The following NYNRIN variants were observed in gnomAD, a reference collection of about 807,000 sequenced individuals.
NYNRIN encodes the protein protein NYNRIN.
A neutral mutation model predicts 146.6 loss-of-function variants in NYNRIN; 86 were observed. The observed-to-expected ratio is 0.59, with a 90% CI of 0.49 to 0.70. The LOEUF (loss-of-function observed/expected upper bound fraction) is 0.70. NYNRIN is among the 30% of genes least tolerant of loss of function. The pLI is 0.00. For missense variants in NYNRIN, 2,191 were observed against 2,377.7 expected (o/e 0.92, Z 1.63); for synonymous variants, 1,027 against 1,001.3 (o/e 1.03, Z -0.48).
chr14:24,403,394 T>C (rs2042856997), intron 2 of NYNRIN, among the ~76,000 whole-genome samples: 1 of 152,250 alleles, frequency 6.6e-6, no homozygotes, highest in Non-Finnish European at 1.5e-5. Flanking sequence ...TCTGGTCAGT[T>C]GCTTTCCAGG....
intron 6 of NYNRIN, chr14:24,412,780 T>C (rs36012880): frequency 0.39 from 180,299 of 457,906 alleles, 39,922 homozygotes; most frequent in Middle Eastern, 0.49. Flanking sequence ...AATGCGTGCA[T>C]CCAAGGTCAC....
rs2042963126 is a variant in NYNRIN at position 24,418,418 on chromosome 14, C to T, written c.*972C>T. The T allele has an allele frequency of 2.7e-6, 1 of 374,878 alleles. No individual in the cohort carries two copies. Among genetic ancestry groups the T allele is most frequent in the Non-Finnish European group, 5.3e-6 (1 of 189,486 alleles). The allele number at this position is 374,878 out of a possible 1,614,324, so 23.2% of individuals were successfully genotyped here. The stretch of plus-strand genomic sequence containing the variant: ...CTACAGTCCTCTGCTCCTTCTACCT[C>T]CACTGTATCCTGCATCCCAGACCCT... On this transcript the variant is annotated 3_prime_UTR_variant, in exon 9 of 9. Transcript: ENST00000382554.
intron 8 of NYNRIN, 27 bp from the exon 9 acceptor site, chr14:24,414,569 T>G: frequency 2.5e-6 from 4 of 1,578,560 alleles, no homozygotes; most frequent in Non-Finnish European, 3.4e-6. Flanking sequence ...GGGGCTGCCC[T>G]TCCCTCTTCC....
In NYNRIN at chr14:24,417,353, C is replaced by T. The variant is rs1367921670; in HGVS notation, c.5604C>T (p.Thr1868=). The T allele has an allele frequency of 2.5e-6, 4 of 1,599,848 alleles. No homozygotes were observed. Among genetic ancestry groups the T allele is most frequent in the Admixed American group, 1.7e-5 (1 of 57,762 alleles). ...TCTATAGGATATGGGGCTTCCCAAC[C>T]CCAGAGAAGCTGGGGTGCATCTATC... ...LSLYRIWGFP[T]PEKLGCIYPS... Residue 1868 remains threonine (T), a synonymous_variant, in exon 9 of 9, where the codon ACC becomes ACT. Transcript: ENST00000382554.
At position 24,399,378 on chromosome 14, in the gene NYNRIN, C is replaced by A; in HGVS notation, c.132C>A (p.Ser44Arg). The A allele has an allele frequency of 6.2e-7, 1 of 1,613,774 alleles. No homozygotes were observed. Among genetic ancestry groups the A allele is most frequent in the Non-Finnish European group, 8.5e-7 (1 of 1,179,802 alleles). ...GGGTCAAGCTGAACGCCTTCCAGAG[C>A]CGCCCGGACACCCCCTACTTCTGGC... ...IFRVKLNAFQ[S>R]RPDTPYFWLQ... Residue 44 changes from serine (S) to arginine (R), a missense_variant, in exon 2 of 9, where the codon AGC (serine) becomes AGA (arginine). Coordinates refer to ENST00000382554, the MANE Select transcript of NYNRIN (RefSeq NM_025081.3).
chr14:24,411,195 G>A lies in NYNRIN; in HGVS notation c.2534G>A (p.Arg845Gln). The change falls in exon 5 of 9, where the codon CGG (arginine) becomes CAG (glutamine). Residue 845 changes from arginine (R) to glutamine (Q), a missense_variant. By Grantham distance (43) the Arg-to-Gln change is conservative (BLOSUM62 1). Around this residue, in one of 3 missense-constraint regions of NYNRIN, gnomAD observed 1,291 missense variants for 1,417.0 expected, o/e 0.91. Coordinates refer to ENST00000382554, the MANE Select transcript of NYNRIN (RefSeq NM_025081.3). The surrounding 1 kb of genome is among the most constrained non-coding windows in gnomAD (Gnocchi z 4.3). ...FVPTWQLKKNRRVRESHFLTK... is the reference protein window; with the variant it reads ...FVPTWQLKKNQRVRESHFLTK... ...CCCACCTGGCAGCTGAAGAAGAACC[G>A]GAGGGTGAGAGGTGAGGTGTCCCCT... 1.2e-6 allele frequency: 2 copies of A among 1,605,230 alleles called. No individual in the cohort carries two copies. Among genetic ancestry groups the A allele is most frequent in the Non-Finnish European group, 1.7e-6 (2 of 1,175,576 alleles).
intron 3 of NYNRIN, 39 bp downstream of exon 3, chr14:24,408,566 CCCCTGCTCCCCTA>C: frequency 2.0e-6 from 3 of 1,537,926 alleles, no homozygotes; most frequent in Non-Finnish European, 2.6e-6. Flanking sequence ...TCTGATCCTA[CCCCTGCTCCCCTA>C]CCCTAAGGAA....
At chr14:24,412,058 G>A (rs2042915910) in intron 6 of NYNRIN, among the ~76,000 whole-genome samples, 2 of 152,220 alleles carry the variant, frequency 1.3e-5, no homozygotes, top group Non-Finnish European at 2.9e-5. Flanking sequence ...TGGAGTTGAT[G>A]CTGGGCGGAC....
rs771536071 is a variant in NYNRIN at position 24,414,637 on chromosome 14, C to G, written c.2888C>G (p.Thr963Ser). 6.2e-7 allele frequency: 1 copy of G among 1,613,638 alleles called. No individual in the cohort carries two copies. Among genetic ancestry groups the G allele is most frequent in the South Asian group, 1.1e-5 (1 of 91,046 alleles). ...GGCAACTTCCTGAAGGTGTGGAAGA[C>G]CCTTCCTCCCAGCTCAGCCAGTGTC... ...DIGNFLKVWKTLPPSSASVTE... is the reference protein window; with the variant it reads ...DIGNFLKVWKSLPPSSASVTE... The change falls in exon 9 of 9, where the codon ACC (threonine) becomes AGC (serine). Residue 963 changes from threonine to serine, a missense_variant. This residue lies in a region of NYNRIN where 1,291 missense variants were observed against 1,417.0 expected (regional missense o/e 0.91). Transcript: ENST00000382554.
rs542202242 is a variant in NYNRIN at position 24,399,127 on chromosome 14, C to T, written c.-18+41C>T. The T allele has an allele frequency of 5.4e-6, 5 of 922,348 alleles. No homozygotes were observed. In the South Asian group the frequency reaches 7.1e-5, roughly 13 times the overall value. The allele number at this position is 922,348 out of a possible 1,614,324, so 57.1% of individuals were successfully genotyped here. On this transcript the variant is annotated intron_variant, in intron 1 of 8. Transcript: ENST00000382554. ...TGGAGGAAGGAGGCCGTGCGGGGGGCGCGCCGCGGGGAGGAGGGGGCGTGG... is the reference window on the plus strand; with the variant it reads ...TGGAGGAAGGAGGCCGTGCGGGGGGTGCGCCGCGGGGAGGAGGGGGCGTGG...
At chr14:24,399,111 G>C (rs1370162345) in intron 1 of NYNRIN, 25 bp downstream of exon 1, 1 of 789,572 alleles carries the variant, frequency 1.3e-6, no homozygotes, top group Non-Finnish European at 1.9e-6. Flanking sequence ...CTGGAGGAAG[G>C]AGGCCGTGCG....
intron 2 of NYNRIN, among the ~76,000 whole-genome samples, chr14:24,407,597 T>C (rs1205213016): frequency 1.3e-5 from 2 of 152,146 alleles, no homozygotes; most frequent in Admixed American, 6.5e-5. Context: ...TCAGTTGAGG[T>C]CGAGTTGGAG....
Position 24,417,834 on chromosome 14 carries a change from T to A in NYNRIN, c.*388T>A, listed in dbSNP as rs2042959339. 4.9e-6 allele frequency: 1 copy of A among 204,020 alleles called. No individual in the cohort carries two copies. The highest frequency in any genetic ancestry group is 5.3e-5 in the Admixed American group (1 of 18,978). The allele number at this position is 204,020 out of a possible 1,614,324, so 12.6% of individuals were successfully genotyped here. A position where few individuals can be genotyped will look rare whatever the true frequency, so the allele number is the denominator to read the frequency against. On this transcript the variant is annotated 3_prime_UTR_variant, in exon 9 of 9. Coordinates refer to ENST00000382554, the MANE Select transcript of NYNRIN (RefSeq NM_025081.3). ...TCTATCTTGGCCATGAAACTGTGGC[T>A]GTTGACCTTGGAATTGGAACCACAG...
At position 24,417,608 on chromosome 14, in the gene NYNRIN, C is replaced by CAGCATCCCCATGGA. The variant is rs1166765257; in HGVS notation, c.*164_*177dup. ...TGCTGAATTGCCTTGAACTAGGGAC[C>CAGCATCCCCATGGA]AGCATCCCCATGGAAACATCCCCAG... On this transcript the variant is annotated 3_prime_UTR_variant, in exon 9 of 9. Transcript: ENST00000382554. 2.0e-6 allele frequency: 2 copies of CAGCATCCCCATGGA among 1,020,850 alleles called. No homozygotes were observed. Among genetic ancestry groups the CAGCATCCCCATGGA allele is most frequent in the Non-Finnish European group, 2.6e-6 (2 of 760,054 alleles). 63.2% of individuals were successfully genotyped at this position (1,020,850 alleles called of 1,614,324 possible).
chr14:24,413,215 C>T (rs2042923228), intron 7 of NYNRIN, 101 bp from the exon 8 acceptor site: 1 of 1,354,530 alleles, frequency 7.4e-7, no homozygotes, highest in South Asian at 1.2e-5. Context: ...CCAGCACCTG[C>T]CAGGATGTGG....
intron 2 of NYNRIN, among the ~76,000 whole-genome samples, chr14:24,400,005 A>C (rs1431556217): frequency 6.6e-6 from 1 of 152,076 alleles, no homozygotes; most frequent in Non-Finnish European, 1.5e-5. Flanking sequence ...CAGAGAGGGT[A>C]AGGGGCCTGG....
rs2042890829 is a variant in NYNRIN, at chr14:24,408,638, T to G, written c.858-14T>G. ...TGGCCTTCCACCTTTTCAATGAACT[T>G]GGGCTTCCTCCAGGGTCGGTTCCAA... On this transcript the variant is annotated splice_polypyrimidine_tract_variant and intron_variant, in intron 3 of 8. Coordinates refer to ENST00000382554, the MANE Select transcript of NYNRIN (RefSeq NM_025081.3). The G allele has an allele frequency of 6.3e-7, 1 of 1,578,856 alleles. No individual in the cohort carries two copies. Among genetic ancestry groups the G allele is most frequent in the Non-Finnish European group, 8.6e-7 (1 of 1,163,472 alleles).
Position 24,417,258 on chromosome 14 carries a change from C to G in NYNRIN, c.5509C>G (p.Leu1837Val). 1 of 1,614,056 alleles carries G rather than the reference C, an allele frequency of 6.2e-7. No homozygotes were observed. Among genetic ancestry groups the G allele is most frequent in the Non-Finnish European group, 8.5e-7 (1 of 1,179,892 alleles). Residue 1837 changes from leucine (L) to valine (V), a missense_variant, in exon 9 of 9, where the codon CTC becomes GTC. By Grantham distance (32) the Leu-to-Val change is conservative (BLOSUM62 1). Coordinates refer to ENST00000382554, the MANE Select transcript of NYNRIN (RefSeq NM_025081.3). ...GGGTGACCAGGTCCTTTTGCTGTCCCTCCCCAGGAATGGCAGCAGTGCCAA... is the reference window on the plus strand; with the variant it reads ...GGGTGACCAGGTCCTTTTGCTGTCCGTCCCCAGGAATGGCAGCAGTGCCAA... ...NVGDQVLLLS[L>V]PRNGSSAKWV...
In NYNRIN at chr14:24,411,217, C is replaced by T. The variant is rs1283936965; in HGVS notation, c.2545+11C>T. ...ACCGGAGGGTGAGAGGTGAGGTGTC[C>T]CCTGCCTGCCCAGCCTCCACAGTGT... is the stretch of plus-strand genomic sequence containing the variant. On this transcript the variant is annotated intron_variant, in intron 5 of 8. Coordinates refer to ENST00000382554, the MANE Select transcript of NYNRIN (RefSeq NM_025081.3). This position sits in a 1 kb window ranked among gnomAD's most constrained non-coding sequence, Gnocchi z 4.3. 1.9e-6 allele frequency: 3 copies of T among 1,607,044 alleles called. No individual in the cohort carries two copies. The highest frequency in any genetic ancestry group is 1.3e-5 in the African/African-American group (1 of 74,682).
Sources: gnomAD v4.1 joint callset for allele counts (sites outside exome capture counted in the v4.1 genomes callset) on GRCh38, gnomAD v4.1.1 for gene constraint, gnomAD v4.1.1 regional missense constraint, Gnocchi (gnomAD v3.1) non-coding constraint, MANE v1.5 for transcripts, NCBI Gene and HGNC (gene_info 2026-07-23, HGNC 2026-07-21) for gene names.